The following AP3B1 variants were observed in gnomAD, a reference collection of about 807,000 sequenced individuals.
The protein encoded by AP3B1 is adaptor related protein complex 3 subunit beta 1.
AP3B1 carries 61 observed loss-of-function variants against 132.5 expected under a neutral mutation model. The ratio of observed to expected loss-of-function variants is 0.46; its 90% CI spans 0.37 to 0.57. The LOEUF (loss-of-function observed/expected upper bound fraction) is 0.57. Among genes scored for constraint, AP3B1 ranks in the 20% least tolerant of loss-of-function variants. The pLI is 0.00. For synonymous variants in AP3B1, 388 were observed against 438.3 expected, an observed-to-expected ratio of 0.89 and a Z score of 1.43; for missense variants, 1,120 against 1,289.4, an observed-to-expected ratio of 0.87 and a Z score of 2.01.
At chr5:78,211,762 A>C (rs999477369) in intron 7 of AP3B1, among the ~76,000 whole-genome samples, 7 of 152,222 alleles carry the variant, frequency 4.6e-5, no homozygotes, top group African/African-American at 1.2e-4. Flanking sequence ...CAGAAAACTT[A>C]TTAAGGTAAC....
intron 6 of AP3B1, chr5:78,222,326 G>A (rs111706939): frequency 0.014 from 2,105 of 154,018 alleles, 22 homozygotes; most frequent in Non-Finnish European, 0.019. Context: ...CCTGCAGAGG[G>A]AGAAAGAGTT....
At chr5:78,184,605 G>T (rs750843908) in intron 7 of AP3B1, among the ~76,000 whole-genome samples, 1 of 151,182 alleles carries the variant, frequency 6.6e-6, no homozygotes, top group Non-Finnish European at 1.5e-5. Context: ...GGAGAATGGC[G>T]TGAACCTGGG....
At chr5:78,100,837 A>G (rs751276011) in intron 21 of AP3B1, 116 bp downstream of exon 21, 3 of 642,708 alleles carry the variant, frequency 4.7e-6, no homozygotes, top group Non-Finnish European at 8.0e-6. Context: ...TTATTCATCT[A>G]TAAGTCTTTC....
At chr5:78,172,473 C>T (rs942235329) in intron 11 of AP3B1, among the ~76,000 whole-genome samples, 43 of 152,050 alleles carry the variant, frequency 2.8e-4, no homozygotes, top group African/African-American at 3.1e-4. Flanking sequence ...GGAGTGTGTA[C>T]GTGTCCAGGA....
At chr5:78,059,525 T>C (rs1445851758) in intron 22 of AP3B1, among the ~76,000 whole-genome samples, 2 of 151,082 alleles carry the variant, frequency 1.3e-5, no homozygotes, top group East Asian at 3.9e-4. Flanking sequence ...ACTTTTTCAA[T>C]GGCTGATCTG....
chr5:78,181,472 C>T, intron 8 of AP3B1, 35 bp downstream of exon 8: 1 of 1,599,580 alleles, frequency 6.3e-7, no homozygotes, highest in Non-Finnish European at 8.5e-7. Flanking sequence ...TTTTTAAAAA[C>T]CAGTGAATTA....
intron 3 of AP3B1, among the ~76,000 whole-genome samples, chr5:78,239,219 C>T (rs1307328136): frequency 6.6e-6 from 1 of 151,952 alleles, no homozygotes; most frequent in East Asian, 1.9e-4. Context: ...GCCTATAATC[C>T]CAGCACTTTG....
intron 1 of AP3B1, among the ~76,000 whole-genome samples, chr5:78,279,950 C>T (rs1428194950): frequency 1.6e-5 from 2 of 121,626 alleles, no homozygotes; most frequent in South Asian, 5.3e-4. Flanking sequence ...TGGTGGTGTA[C>T]ACCTGTGGGC....
chr5:78,177,345 C>T lies in AP3B1; in HGVS notation c.1034G>A (p.Ser345Asn), dbSNP rs750036781. Residue 345 changes from serine (S) to asparagine (N), a missense_variant, in exon 9 of 27, where the codon AGC becomes AAC. Ser to Asn is a conservative substitution (Grantham distance 46, BLOSUM62 1). Around this residue, in one of 3 missense-constraint regions of AP3B1, gnomAD observed 906 missense variants for 997.1 expected, o/e 0.91. Transcript: ENST00000255194. ...ATATAAAATCATGACCTACCTATTG[C>T]TACGAAGTAAACGCACTAGTGATTT... Reference protein sequence around the residue: ...ISKSLVRLLRSNREVQYIVLQ... With the variant: ...ISKSLVRLLRNNREVQYIVLQ... 6 of 1,610,762 alleles carry T rather than the reference C, an allele frequency of 3.7e-6. No individual in the cohort carries two copies. The East Asian group carries it at 8.9e-5, about 24-fold the overall frequency.
intron 7 of AP3B1, among the ~76,000 whole-genome samples, chr5:78,211,133 G>A (rs912526349): frequency 3.9e-5 from 6 of 151,908 alleles, no homozygotes; most frequent in African/African-American, 1.5e-4. Context: ...ATAAAATGTC[G>A]TGCCCTATAA....
At chr5:78,140,689 T>A (rs1354043856) in intron 15 of AP3B1, among the ~76,000 whole-genome samples, 2 of 152,208 alleles carry the variant, frequency 1.3e-5, no homozygotes, top group African/African-American at 4.8e-5. Context: ...CTTTGGGGGA[T>A]ATAAACTTTC....
intron 1 of AP3B1, among the ~76,000 whole-genome samples, chr5:78,269,756 T>C (rs1407335981): frequency 1.3e-5 from 2 of 152,214 alleles, no homozygotes; most frequent in South Asian, 2.1e-4. Flanking sequence ...CATGAGGAGA[T>C]AGGTACCAAA....
chr5:78,256,877 A>G (rs1747870318), intron 2 of AP3B1, among the ~76,000 whole-genome samples: 1 of 152,192 alleles, frequency 6.6e-6, no homozygotes, highest in Non-Finnish European at 1.5e-5. Context: ...ACACAAATCA[A>G]TCAATGTGAT....
In AP3B1 at chr5:78,002,885, G is replaced by T; in HGVS notation, c.*17C>A. 1 of 1,614,164 alleles carries T rather than the reference G, an allele frequency of 6.2e-7. No homozygotes were observed. The highest frequency in any genetic ancestry group is 8.5e-7 in the Non-Finnish European group (1 of 1,180,020). On this transcript the variant is annotated 3_prime_UTR_variant, in exon 27 of 27. Coordinates refer to ENST00000255194, the MANE Select transcript of AP3B1 (RefSeq NM_003664.5). ...CTTTTGTTGTGTGCCAGATTCTAAA[G>T]TCCAGATGTAAGCAGGTTACCCCTG...
At chr5:78,275,709 G>A (rs1251047640) in intron 1 of AP3B1, among the ~76,000 whole-genome samples, 8 of 152,166 alleles carry the variant, frequency 5.3e-5, no homozygotes, top group South Asian at 2.1e-4. Flanking sequence ...TCCTGACCTC[G>A]TGATCCACCC....
chr5:78,029,930 C>T (rs1278539497), intron 24 of AP3B1, among the ~76,000 whole-genome samples: 2 of 151,972 alleles, frequency 1.3e-5, no homozygotes, highest in South Asian at 2.1e-4. Flanking sequence ...TTTTTGCCAT[C>T]GATCAATTCT....
chr5:78,052,703 A>G (rs1364235429), intron 22 of AP3B1, among the ~76,000 whole-genome samples: 1 of 152,212 alleles, frequency 6.6e-6, no homozygotes, highest in Non-Finnish European at 1.5e-5. Flanking sequence ...ATATAAGGAA[A>G]TTAATATCCC....
intron 13 of AP3B1, among the ~76,000 whole-genome samples, chr5:78,159,255 A>T (rs1207239479): frequency 6.6e-6 from 1 of 152,228 alleles, no homozygotes; most frequent in African/African-American, 2.4e-5. Flanking sequence ...ATTATCTACA[A>T]GCAGACGCAG....
At chr5:78,061,061 C>T (rs1342932189) in intron 22 of AP3B1, among the ~76,000 whole-genome samples, 1 of 151,944 alleles carries the variant, frequency 6.6e-6, no homozygotes, top group East Asian at 1.9e-4. Context: ...AAGTACTGAA[C>T]CACATATCCA....
Sources: gnomAD v4.1 joint callset for allele counts (sites outside exome capture counted in the v4.1 genomes callset) on GRCh38, gnomAD v4.1.1 for gene constraint, gnomAD v4.1.1 regional missense constraint, MANE v1.5 for transcripts, NCBI Gene and HGNC (gene_info 2026-07-23, HGNC 2026-07-21) for gene names.